Variants in GHR observed in about 807,000 individuals in gnomAD.
GHR encodes the protein GH receptor.
GHR carries 35 observed loss-of-function variants against 67.1 expected under a neutral mutation model. The ratio of observed to expected loss-of-function variants is 0.52; its 90% CI spans 0.40 to 0.69. The LOEUF (loss-of-function observed/expected upper bound fraction) is 0.69, where lower values mean the gene tolerates loss of function less well. Among genes scored for constraint, GHR ranks in the 30% least tolerant of loss-of-function variants. The pLI, the probability that GHR is intolerant of heterozygous loss-of-function variation, is 0.00. For missense variants in GHR, 792 were observed against 764.6 expected (o/e 1.04, Z -0.42); for synonymous variants, 272 against 269.1 (o/e 1.01, Z -0.10).
At chr5:42,670,880 A>ATATATATAT (rs58161451) in intron 3 of GHR, among the ~76,000 whole-genome samples, 16 of 118,190 alleles carry the variant, frequency 1.4e-4, no homozygotes, top group African/African-American at 5.3e-4. Context: ...AAAAAAAAAA[A>ATATATATAT]ATATATATAT....
At chr5:42,536,734 G>A (rs1325495183) in intron 1 of GHR, among the ~76,000 whole-genome samples, 1 of 152,084 alleles carries the variant, frequency 6.6e-6, no homozygotes, top group Non-Finnish European at 1.5e-5. Context: ...GCATCAAAAG[G>A]ATTGGTATCA....
At chr5:42,548,506 T>A (rs548228089) in intron 1 of GHR, 1 of 984,078 alleles carries the variant, frequency 1.0e-6, no homozygotes, top group African/African-American at 1.7e-5. Flanking sequence ...AGCCTCTATT[T>A]CAGCAATATC....
At chr5:42,531,256 G>A (rs1747954250) in intron 1 of GHR, among the ~76,000 whole-genome samples, 1 of 143,046 alleles carries the variant, frequency 7.0e-6, no homozygotes, top group African/African-American at 2.7e-5. Context: ...AACAGAGTGA[G>A]AGTCCATCTC....
chr5:42,641,941 G>A (rs938420617), intron 3 of GHR, among the ~76,000 whole-genome samples: 3 of 152,080 alleles, frequency 2.0e-5, no homozygotes, highest in Non-Finnish European at 2.9e-5. Context: ...GGACCAAAGA[G>A]ATATGCCTGG....
chr5:42,486,825 C>T (rs1486668261), intron 1 of GHR, among the ~76,000 whole-genome samples: 1 of 143,258 alleles, frequency 7.0e-6, no homozygotes, highest in African/African-American at 2.6e-5. Flanking sequence ...CCAGCCTGGG[C>T]GACAGAGCGA....
rs543139970 is a variant in GHR at position 42,568,568 on chromosome 5, C to T, written c.70+2624C>T. On this transcript the variant is annotated intron_variant, in intron 2 of 9. Transcript: ENST00000230882. ...TAAAGATCTAATGGATATAAGTATT[C>T]TTCCAAGGAGTGCCTGTTATAAATT... Among the ~76,000 whole-genome samples the T allele has an allele frequency of 4.3e-4, 66 of 152,262 alleles. No individual in the cohort carries two copies. In the Middle Eastern group the frequency reaches 0.01, roughly 24 times the overall value.
chr5:42,457,871 C>A (rs1156445822), intron 1 of GHR, among the ~76,000 whole-genome samples: 1 of 152,292 alleles, frequency 6.6e-6, no homozygotes, highest in East Asian at 1.9e-4. Flanking sequence ...GTAAGCCAAG[C>A]AAACTACTTA....
intron 2 of GHR, among the ~76,000 whole-genome samples, chr5:42,576,897 C>T (rs1169598567): frequency 6.6e-6 from 1 of 152,124 alleles, no homozygotes; most frequent in Non-Finnish European, 1.5e-5. Context: ...GCTCAGAAAG[C>T]CATCCATGAG....
intron 5 of GHR, among the ~76,000 whole-genome samples, chr5:42,697,877 T>C (rs1238739735): frequency 6.6e-6 from 1 of 151,988 alleles, no homozygotes; most frequent in Non-Finnish European, 1.5e-5. Context: ...GGGAGACAAA[T>C]GAAGCAAGAA....
chr5:42,483,962 T>A (rs529993094), intron 1 of GHR, among the ~76,000 whole-genome samples: 1 of 152,150 alleles, frequency 6.6e-6, no homozygotes, highest in East Asian at 1.9e-4. Context: ...AGCCTACTGT[T>A]GTCTCTGTGC....
chr5:42,534,500 ATGTACATATGTATATG>A (rs1748165639), intron 1 of GHR, among the ~76,000 whole-genome samples: 3 of 143,120 alleles, frequency 2.1e-5, no homozygotes, highest in Non-Finnish European at 4.5e-5. Context: ...GTATGTATAT[ATGTACATATGTATATG>A]TGTATATATG....
At chr5:42,513,585 C>T (rs936346550) in intron 1 of GHR, among the ~76,000 whole-genome samples, 2 of 152,128 alleles carry the variant, frequency 1.3e-5, no homozygotes, top group African/African-American at 4.8e-5. Context: ...GAGTTCCAGC[C>T]CAGCCTGACC....
intron 3 of GHR, among the ~76,000 whole-genome samples, chr5:42,687,614 T>C (rs1054725063): frequency 2.6e-5 from 4 of 152,202 alleles, no homozygotes; most frequent in African/African-American, 9.6e-5. Context: ...GCCTTATGAG[T>C]TTGTTGCCAG....
rs1324055633 is a variant in GHR, at chr5:42,695,102, T to G, written c.439+13T>G. On this transcript the variant is annotated intron_variant, in intron 5 of 9. Coordinates refer to ENST00000230882, the MANE Select transcript of GHR (RefSeq NM_000163.5). ...GTTGATGAAATAGGTAAATCACAGG[T>G]TTTTGTTTCATTTGACATAGTTTTA... is the stretch of plus-strand genomic sequence containing the variant. The G allele has an allele frequency of 1.9e-6, 3 of 1,586,084 alleles. No individual in the cohort carries two copies. Among genetic ancestry groups the G allele is most frequent in the East Asian group, 2.2e-5 (1 of 44,686 alleles).
intron 1 of GHR, chr5:42,468,235 GGGAAGTTTT>G: frequency 6.5e-7 from 1 of 1,533,188 alleles, no homozygotes; most frequent in South Asian, 1.1e-5. Context: ...TGCCTGATCT[GGGAAGTTTT>G]CTTCTTCCTC....
rs1177610703 is a variant in GHR, at chr5:42,447,676, TCTCC to T, written c.-12+23741_-12+23744del. 7.3e-4 allele frequency among the ~76,000 whole-genome samples: 105 copies of T among 144,370 alleles called. 1 individual carries two copies. The highest frequency in any genetic ancestry group is 1.8e-3 in the East Asian group (9 of 4,928). The allele number at this position is 144,370 out of a possible 152,430, so 94.7% of individuals were successfully genotyped here. On this transcript the variant is annotated intron_variant, in intron 1 of 9. Coordinates refer to ENST00000230882, the MANE Select transcript of GHR (RefSeq NM_000163.5). ...TCCTTCTTTTCTTCTTTCCTTGTTT[TCTCC>T]CTCCCTCCCTCCCTCCCTCTATCTC... is the stretch of plus-strand genomic sequence containing the variant.
chr5:42,660,795 C>A (rs1014101724), intron 3 of GHR, among the ~76,000 whole-genome samples: 5 of 151,996 alleles, frequency 3.3e-5, no homozygotes, highest in African/African-American at 1.2e-4. Flanking sequence ...AGACTTCAGA[C>A]GATCAAATTA....
At chr5:42,610,201 T>A (rs1752824542) in intron 2 of GHR, among the ~76,000 whole-genome samples, 1 of 152,206 alleles carries the variant, frequency 6.6e-6, no homozygotes, top group Non-Finnish European at 1.5e-5. Flanking sequence ...GAAAATGTCC[T>A]GGATGCCAAG....
Position 42,424,425 on chromosome 5 carries a change from C to A in GHR, c.-12+470C>A. ...AACTGCCGAGGCTGCTGCTGTTGCG[C>A]GGGGAAGAATCCCCGGCAGCGCGAC... On this transcript the variant is annotated intron_variant, in intron 1 of 9. Coordinates refer to ENST00000230882, the MANE Select transcript of GHR (RefSeq NM_000163.5). The surrounding 1 kb of genome is among the most constrained non-coding windows in gnomAD (Gnocchi z 4.1). 1.6e-6 allele frequency: 1 copy of A among 621,634 alleles called. No homozygotes were observed. Among genetic ancestry groups the A allele is most frequent in the Non-Finnish European group, 2.9e-6 (1 of 348,290 alleles). 38.5% of individuals were successfully genotyped at this position (621,634 alleles called of 1,614,324 possible).
Sources: gnomAD v4.1 joint callset for allele counts (sites outside exome capture counted in the v4.1 genomes callset) on GRCh38, gnomAD v4.1.1 for gene constraint, Gnocchi (gnomAD v3.1) non-coding constraint, MANE v1.5 for transcripts, NCBI Gene and HGNC (gene_info 2026-07-23, HGNC 2026-07-21) for gene names.